CDH10: variants seen among roughly 807,000 people sequenced by gnomAD.
The protein encoded by CDH10 is cadherin-10.
CDH10 carries 30 observed loss-of-function variants against 73.1 expected under a neutral mutation model. The ratio of observed to expected loss-of-function variants is 0.41; its 90% CI spans 0.31 to 0.56. The LOEUF (loss-of-function observed/expected upper bound fraction) is 0.56, where lower values mean the gene tolerates loss of function less well. Among genes scored for constraint, CDH10 ranks in the 20% least tolerant of loss-of-function variants. The probability of loss-of-function intolerance (pLI) is 0.27; values close to 1 mark genes in which losing one functional copy is unlikely to be tolerated. For missense variants in CDH10, 815 were observed against 973.7 expected, an observed-to-expected ratio of 0.84 and a Z score of 2.17; for synonymous variants, 345 against 348.2, an observed-to-expected ratio of 0.99 and a Z score of 0.10.
At chr5:24,559,181 T>G (rs6892585) in intron 2 of CDH10, among the ~76,000 whole-genome samples, 125,689 of 151,712 alleles carry the variant, frequency 0.83, 52,102 homozygotes, top group East Asian at 0.9. Flanking sequence ...TGTTTGTTTA[T>G]TATAAATAAA....
chr5:24,630,715 A>C (rs1231001466), intron 1 of CDH10, among the ~76,000 whole-genome samples: 1 of 151,994 alleles, frequency 6.6e-6, no homozygotes, highest in African/African-American at 2.4e-5. Context: ...GAACTCCTAG[A>C]AATAAAAACT....
intron 1 of CDH10, among the ~76,000 whole-genome samples, chr5:24,597,473 G>T (rs955858021): frequency 6.6e-6 from 1 of 152,086 alleles, no homozygotes; most frequent in Non-Finnish European, 1.5e-5. Context: ...GCTATATGGC[G>T]ACTGCAGTCA....
At chr5:24,528,335 G>T (rs964121336) in intron 5 of CDH10, among the ~76,000 whole-genome samples, 8 of 151,894 alleles carry the variant, frequency 5.3e-5, no homozygotes, top group South Asian at 2.1e-4. Flanking sequence ...GTTGAAAAGT[G>T]CTTGATAATT....
rs543306952 is a variant in CDH10 at position 24,490,472 on chromosome 5, A to G, written c.1876+1104T>C. Among the ~76,000 whole-genome samples, 160 of 152,274 alleles carry G rather than the reference A, an allele frequency of 1.1e-3. 1 individual carries two copies. In the South Asian group the frequency reaches 0.03, roughly 28 times the overall value. Reference sequence around the variant, plus strand: ...CGCACGTTCTCATTTCCTGAACTACATAAAAATCTAATCTTGAATTATTCA... The same window carrying G: ...CGCACGTTCTCATTTCCTGAACTACGTAAAAATCTAATCTTGAATTATTCA... On this transcript the variant is annotated intron_variant, in intron 11 of 11. Transcript: ENST00000264463.
intron 5 of CDH10, among the ~76,000 whole-genome samples, chr5:24,527,164 ATATG>A (rs1204890403): frequency 1.3e-5 from 2 of 150,134 alleles, no homozygotes; most frequent in Admixed American, 6.7e-5. Flanking sequence ...TTTTGTGTAT[ATATG>A]TATAAGTATA....
At chr5:24,503,668 G>C (rs1742579543) in intron 8 of CDH10, among the ~76,000 whole-genome samples, 1 of 152,148 alleles carries the variant, frequency 6.6e-6, no homozygotes, top group South Asian at 2.1e-4. Context: ...AATGAATCTA[G>C]AAATGACATG....
intron 1 of CDH10, among the ~76,000 whole-genome samples, chr5:24,610,640 T>G (rs972494342): frequency 6.6e-6 from 1 of 152,246 alleles, no homozygotes; most frequent in African/African-American, 2.4e-5. Context: ...GAAATCTTCA[T>G]ACTAACATCA....
intron 1 of CDH10, among the ~76,000 whole-genome samples, chr5:24,622,678 G>T (rs79109955): frequency 6.6e-6 from 1 of 152,278 alleles, no homozygotes; most frequent in African/African-American, 2.4e-5. Context: ...TCCTAGGACA[G>T]ATGCGGTATT....
chr5:24,557,634 T>C (rs768366060), intron 2 of CDH10, among the ~76,000 whole-genome samples: 1 of 151,778 alleles, frequency 6.6e-6, no homozygotes, highest in Non-Finnish European at 1.5e-5. Context: ...GAATTCACGA[T>C]GCTTATTTCT....
chr5:24,611,029 T>C (rs1389325533), intron 1 of CDH10, among the ~76,000 whole-genome samples: 2 of 152,224 alleles, frequency 1.3e-5, no homozygotes, highest in East Asian at 3.8e-4. Context: ...GCTTAAACAT[T>C]GTTTCTCATC....
intron 2 of CDH10, among the ~76,000 whole-genome samples, chr5:24,556,238 T>C (rs1744763929): frequency 6.6e-6 from 1 of 152,158 alleles, no homozygotes; most frequent in Non-Finnish European, 1.5e-5. Flanking sequence ...GTTATTGATT[T>C]GATGTATCAT....
chr5:24,594,580 C>T (rs1301978485), intron 1 of CDH10, among the ~76,000 whole-genome samples: 1 of 151,840 alleles, frequency 6.6e-6, no homozygotes, highest in Non-Finnish European at 1.5e-5. Context: ...TCCCCCTAAA[C>T]TGACTCTTCT....
intron 1 of CDH10, among the ~76,000 whole-genome samples, chr5:24,607,935 CTATTTTTTGTTT>C (rs1370603103): frequency 3.9e-4 from 59 of 152,156 alleles, no homozygotes; most frequent in African/African-American, 1.3e-3. Flanking sequence ...AGCAGGCCCT[CTATTTTTTGTTT>C]AATTTGACAG....
intron 2 of CDH10, 49 bp from the exon 3 acceptor site, chr5:24,537,723 G>A (rs1029403732): frequency 8.2e-7 from 1 of 1,222,280 alleles, no homozygotes; most frequent in African/African-American, 1.5e-5. Context: ...TAAAGGTGCA[G>A]GATGCTGAAA....
chr5:24,583,686 C>T (rs1745880460), intron 2 of CDH10, among the ~76,000 whole-genome samples: 1 of 152,070 alleles, frequency 6.6e-6, no homozygotes, highest in Non-Finnish European at 1.5e-5. Context: ...CACTTTGTTG[C>T]CTATGCTGGA....
chr5:24,555,236 G>C (rs1194133973), intron 2 of CDH10, among the ~76,000 whole-genome samples: 1 of 152,068 alleles, frequency 6.6e-6, no homozygotes, highest in East Asian at 1.9e-4. Flanking sequence ...AAGTATCAGT[G>C]ACATTTTATT....
intron 1 of CDH10, among the ~76,000 whole-genome samples, chr5:24,605,496 G>A (rs1746729380): frequency 6.6e-6 from 1 of 152,204 alleles, no homozygotes; most frequent in Non-Finnish European, 1.5e-5. Context: ...ATCCTGAAAT[G>A]ATTCCCCCAA....
At chr5:24,570,870 CAA>C (rs145283463) in intron 2 of CDH10, among the ~76,000 whole-genome samples, 2 of 148,268 alleles carry the variant, frequency 1.3e-5, no homozygotes, top group African/African-American at 4.9e-5. Flanking sequence ...TTTGTTTTTT[CAA>C]AAAAAAAATT....
intron 1 of CDH10, among the ~76,000 whole-genome samples, chr5:24,643,654 C>T (rs1480609625): frequency 6.6e-6 from 1 of 152,112 alleles, no homozygotes; most frequent in Non-Finnish European, 1.5e-5. Flanking sequence ...TTATAGGAAA[C>T]ATCTGTTTTT....
Sources: allele counts gnomAD v4.1 joint callset (sites outside exome capture counted in the v4.1 genomes callset), GRCh38; gene constraint gnomAD v4.1.1; transcripts MANE v1.5; gene names NCBI Gene and HGNC (gene_info 2026-07-23, HGNC 2026-07-21).